Variants in ARHGEF6 observed in about 807,000 individuals in gnomAD.
ARHGEF6 encodes the protein Rac/Cdc42 guanine nucleotide exchange factor 6, also known as rho guanine nucleotide exchange factor 6.
Under a neutral mutation model 70.3 loss-of-function variants are expected in ARHGEF6, and 9 were observed. That is an observed-to-expected ratio of 0.13 (90% CI 0.08 to 0.22). The LOEUF (loss-of-function observed/expected upper bound fraction) is 0.22. ARHGEF6 is among the 10% of genes least tolerant of loss of function. The pLI, the probability that ARHGEF6 is intolerant of heterozygous loss-of-function variation, is 1.00. For synonymous variants in ARHGEF6, 201 were observed against 207.8 expected (o/e 0.97, Z 0.28); for missense variants, 470 against 563.0 (o/e 0.83, Z 1.67).
At chrX:136,735,950 C>T (rs981148144) in intron 5 of ARHGEF6, among the ~76,000 whole-genome samples, 2 of 111,610 alleles carry the variant, frequency 1.8e-5, no homozygotes, top group African/African-American at 6.5e-5. Flanking sequence ...TACCTAATCC[C>T]CTCAATTGAT....
chrX:136,704,314 G>A (rs768510932), intron 9 of ARHGEF6, among the ~76,000 whole-genome samples: 79 of 112,002 alleles, frequency 7.1e-4, no homozygotes, highest in Admixed American at 2.4e-3. Flanking sequence ...ACTGAATTGC[G>A]TAGTTTAACA....
At chrX:136,774,438 G>A (rs1050940814) in intron 2 of ARHGEF6, among the ~76,000 whole-genome samples, 1 of 109,891 alleles carries the variant, frequency 9.1e-6, no homozygotes, top group South Asian at 3.9e-4. Flanking sequence ...ATCACTTGAG[G>A]TCAGGAGCTT....
Position 136,669,474 on chromosome X carries a change from T to C in ARHGEF6, c.2190+8A>G, listed in dbSNP as rs890032859. 5.0e-6 allele frequency: 6 copies of C among 1,202,864 alleles called. No individual in the cohort carries two copies. Among genetic ancestry groups the C allele is most frequent in the Middle Eastern group, 2.3e-4 (1 of 4,323 alleles). ...ATTACCCGAGAAAATGATTTTATATTTTATTACCTGCTTCAGTTCTCTGAC... is the reference window on the plus strand; with the variant it reads ...ATTACCCGAGAAAATGATTTTATATCTTATTACCTGCTTCAGTTCTCTGAC... On this transcript the variant is annotated splice_region_variant and intron_variant, in intron 21 of 21. Transcript: ENST00000250617.
intron 6 of ARHGEF6, among the ~76,000 whole-genome samples, chrX:136,729,195 C>A (rs1278784396): frequency 3.7e-5 from 4 of 106,841 alleles, no homozygotes; most frequent in African/African-American, 1.4e-4. Context: ...TGGCTGGGAG[C>A]AGTGTCTCAC....
At chrX:136,714,018 T>C (rs935468180) in intron 6 of ARHGEF6, among the ~76,000 whole-genome samples, 1 of 111,990 alleles carries the variant, frequency 8.9e-6, no homozygotes, top group African/African-American at 3.3e-5. Context: ...AATCTGAGGA[T>C]ACAGTGAATT....
In ARHGEF6 at chrX:136,747,515, T is replaced by G; in HGVS notation, c.327A>C (p.Ala109=). The change falls in exon 3 of 22, where the codon GCA becomes GCC. Residue 109 remains alanine, a synonymous_variant. Coordinates refer to ENST00000250617, the MANE Select transcript of ARHGEF6 (RefSeq NM_004840.3). The part of the protein sequence containing the change: ...VLSTLLAVNK[A]TEDQLSERPC... ...ATCACAAGCCCGGCTTACCTTCTGT[T>G]GCTTTGTTGACAGCTAAAAGAGTAC... is the stretch of plus-strand genomic sequence containing the variant. The G allele has an allele frequency of 8.3e-7, 1 of 1,207,776 alleles. No homozygotes were observed. Among genetic ancestry groups the G allele is most frequent in the Non-Finnish European group, 1.1e-6 (1 of 892,892 alleles).
chrX:136,691,487 G>A (rs2076457591), intron 9 of ARHGEF6, among the ~76,000 whole-genome samples: 2 of 112,299 alleles, frequency 1.8e-5, no homozygotes, highest in African/African-American at 6.5e-5. Context: ...CACCAACAGG[G>A]ATATTGAGTC....
chrX:136,777,236 C>G (rs1282224433), intron 2 of ARHGEF6, among the ~76,000 whole-genome samples: 1 of 111,039 alleles, frequency 9.0e-6, no homozygotes, highest in African/African-American at 3.3e-5. Context: ...AAAAACAAAA[C>G]AAAACAAAAA....
intron 19 of ARHGEF6, among the ~76,000 whole-genome samples, chrX:136,673,437 A>T (rs933909992): frequency 1.2e-4 from 13 of 112,229 alleles, no homozygotes; most frequent in African/African-American, 3.6e-4. Flanking sequence ...CTGCTGTGTG[A>T]CAAGCACAGT....
At chrX:136,755,375 T>C (rs2077195732) in intron 2 of ARHGEF6, among the ~76,000 whole-genome samples, 1 of 111,580 alleles carries the variant, frequency 9.0e-6, no homozygotes, top group African/African-American at 3.3e-5. Flanking sequence ...TCCGTGAGAA[T>C]ACCCTCAGAA....
chrX:136,714,613 A>G (rs1275304244), intron 6 of ARHGEF6, among the ~76,000 whole-genome samples: 1 of 111,777 alleles, frequency 8.9e-6, no homozygotes, highest in Non-Finnish European at 1.9e-5. Flanking sequence ...GGAGAAGTGT[A>G]TTAGCCTACC....
At chrX:136,694,622 T>C (rs181425643) in intron 9 of ARHGEF6, among the ~76,000 whole-genome samples, 184 of 111,629 alleles carry the variant, frequency 1.6e-3, no homozygotes, top group Non-Finnish European at 2.6e-3. Context: ...TCCTCTTCTC[T>C]CTGATCTCTC....
intron 5 of ARHGEF6, among the ~76,000 whole-genome samples, chrX:136,735,565 C>T (rs1010009688): frequency 9.0e-6 from 1 of 111,172 alleles, no homozygotes; most frequent in Admixed American, 9.6e-5. Context: ...CTGGGCAATC[C>T]AACCAGTGCG....
intron 5 of ARHGEF6, among the ~76,000 whole-genome samples, chrX:136,743,294 A>G (rs768146452): frequency 1.8e-5 from 2 of 112,194 alleles, no homozygotes; most frequent in South Asian, 7.5e-4. Flanking sequence ...ACTATATTAC[A>G]TGGGCTAGAA....
intron 1 of ARHGEF6, 126 bp from the exon 2 acceptor site, chrX:136,779,623 C>A: frequency 1.7e-6 from 1 of 587,019 alleles, no homozygotes. Flanking sequence ...GCTGTCAATC[C>A]AGGAAGAGAA....
chrX:136,759,642 A>AG (rs2077246011), intron 2 of ARHGEF6, among the ~76,000 whole-genome samples: 1 of 110,266 alleles, frequency 9.1e-6, no homozygotes, highest in African/African-American at 3.3e-5. Context: ...AAAAAAAAAA[A>AG]AGCCTCTTAA....
intron 6 of ARHGEF6, among the ~76,000 whole-genome samples, chrX:136,724,927 T>G (rs1325320134): frequency 8.9e-6 from 1 of 112,300 alleles, no homozygotes; most frequent in Non-Finnish European, 1.9e-5. Flanking sequence ...TAGATATTAT[T>G]TTCATCATAA....
intron 3 of ARHGEF6, 43 bp from the exon 4 acceptor site, chrX:136,745,390 C>A (rs747414677): frequency 5.0e-6 from 6 of 1,197,803 alleles, no homozygotes; most frequent in Non-Finnish European, 6.8e-6. Flanking sequence ...CCACTCAGAT[C>A]AGAAAAACAT....
Position 136,692,092 on chromosome X carries a change from G to A in ARHGEF6, c.1047-1344C>T, listed in dbSNP as rs193027139. ...CAATCCCCACCCACACTCTCCCTTCGTGGGCTTTTCTGAGCAGGAGAGAAA... is the reference window on the plus strand; with the variant it reads ...CAATCCCCACCCACACTCTCCCTTCATGGGCTTTTCTGAGCAGGAGAGAAA... On this transcript the variant is annotated intron_variant, in intron 9 of 21. Coordinates refer to ENST00000250617, the MANE Select transcript of ARHGEF6 (RefSeq NM_004840.3). Among the ~76,000 whole-genome samples, 41 of 111,163 alleles carry A rather than the reference G, an allele frequency of 3.7e-4. No homozygotes were observed. The East Asian group carries it at 9.3e-3, about 25-fold the overall frequency.
Sources: gnomAD v4.1 joint callset for allele counts (sites outside exome capture counted in the v4.1 genomes callset) on GRCh38, gnomAD v4.1.1 for gene constraint, MANE v1.5 for transcripts, NCBI Gene and HGNC (gene_info 2026-07-23, HGNC 2026-07-21) for gene names.